The following SLC35F4 variants were observed in gnomAD, a reference collection of about 807,000 sequenced individuals.
SLC35F4 encodes solute carrier family 35 member F4, also known as chromosome 14 open reading frame 36.
SLC35F4 carries 24 observed loss-of-function variants against 44.2 expected under a neutral mutation model. The ratio of observed to expected loss-of-function variants is 0.54; its 90% confidence interval spans 0.39 to 0.76. SLC35F4 has a LOEUF of 0.76. SLC35F4 is among the 30% of genes least tolerant of loss of function. SLC35F4 has a pLI of 0.00. For missense variants in SLC35F4, 562 were observed against 586.1 expected (o/e 0.96, Z 0.42); for synonymous variants, 238 against 223.6 (o/e 1.06, Z -0.57).
At chr14:57,958,143 T>C (rs967878205) in intron 1 of SLC35F4, among the ~76,000 whole-genome samples, 14 of 152,178 alleles carry the variant, frequency 9.2e-5, no homozygotes, top group South Asian at 6.2e-4. Context: ...CCGCAAGCTC[T>C]GCCTCCCAGG....
Position 57,933,039 on chromosome 14 carries a change from CTTT to C in SLC35F4, n.282+48871_282+48873del, listed in dbSNP as rs565156783. Among the ~76,000 whole-genome samples the C allele has an allele frequency of 9.4e-4, 129 of 137,482 alleles. 1 individual carries two copies. The highest frequency in any genetic ancestry group is 3.7e-3 in the Admixed American group (50 of 13,578). The allele number at this position is 137,482 out of a possible 152,430, so 90.2% of individuals were successfully genotyped here. On this transcript the variant is annotated intron_variant and non_coding_transcript_variant, in intron 1 of 1. Transcript: ENST00000556568. ...ATAAGGGAAAGTTCTCTCCTATTTA[CTTT>C]TTTTTTTTTTTTTTTAAGAGTCTTG...
chr14:57,866,252 G>A (rs1888151478), upstream of SLC35F4, among the ~76,000 whole-genome samples: 1 of 152,306 alleles, frequency 6.6e-6, no homozygotes, highest in East Asian at 1.9e-4. Context: ...GGGCGCGAGA[G>A]GAGAAGGCGA....
chr14:57,945,862 C>A (rs1890016733), intron 1 of SLC35F4, among the ~76,000 whole-genome samples: 1 of 152,014 alleles, frequency 6.6e-6, no homozygotes, highest in South Asian at 2.1e-4. Flanking sequence ...TTTGCATTTA[C>A]CTGATGATTA....
At chr14:57,929,526 G>T (rs1482603626) in intron 1 of SLC35F4, among the ~76,000 whole-genome samples, 1 of 152,018 alleles carries the variant, frequency 6.6e-6, no homozygotes, top group African/African-American at 2.4e-5. Context: ...ACCTGTAGCT[G>T]TTGAGTAGTG....
intron 1 of SLC35F4, among the ~76,000 whole-genome samples, chr14:57,906,190 C>A (rs1889100862): frequency 6.6e-6 from 1 of 152,148 alleles, no homozygotes; most frequent in Admixed American, 6.5e-5. Context: ...TCAGAGAGTG[C>A]AGAAATAATA....
intron 1 of SLC35F4, among the ~76,000 whole-genome samples, chr14:57,647,545 T>A (rs2073589968): frequency 6.6e-6 from 1 of 152,092 alleles, no homozygotes; most frequent in Non-Finnish European, 1.5e-5. Flanking sequence ...CTGGACAACT[T>A]CAACCCCTTA....
At chr14:57,835,153 A>G (rs1040330945) in intron 1 of SLC35F4, among the ~76,000 whole-genome samples, 1 of 152,230 alleles carries the variant, frequency 6.6e-6, no homozygotes, top group Non-Finnish European at 1.5e-5. Flanking sequence ...CACTGTGCCC[A>G]TGGGGCAACC....
At chr14:57,873,339 A>T (rs1374493327) in intron 1 of SLC35F4, among the ~76,000 whole-genome samples, 1 of 152,208 alleles carries the variant, frequency 6.6e-6, no homozygotes, top group Non-Finnish European at 1.5e-5. Flanking sequence ...AGTCTCTACT[A>T]GTTCCATATT....
intron 1 of SLC35F4, among the ~76,000 whole-genome samples, chr14:57,815,221 A>G (rs1033571666): frequency 6.6e-6 from 1 of 152,186 alleles, no homozygotes; most frequent in African/African-American, 2.4e-5. Flanking sequence ...ATTTAAACCA[A>G]TATCAAAATT....
chr14:57,702,630 A>G (rs950274242), intron 1 of SLC35F4, among the ~76,000 whole-genome samples: 1 of 152,058 alleles, frequency 6.6e-6, no homozygotes, highest in African/African-American at 2.4e-5. Flanking sequence ...AAATATGTCA[A>G]CTCCACCTCT....
At chr14:57,770,528 C>T (rs2077338029) in intron 1 of SLC35F4, among the ~76,000 whole-genome samples, 1 of 152,116 alleles carries the variant, frequency 6.6e-6, no homozygotes, top group African/African-American at 2.4e-5. Context: ...TAAAATCAAG[C>T]ATTGTGAGGA....
chr14:57,867,000 A>AATAATAATAATT (rs1491561956), upstream of SLC35F4, among the ~76,000 whole-genome samples: 14 of 143,170 alleles, frequency 9.8e-5, no homozygotes, highest in South Asian at 1.3e-3. Flanking sequence ...TAATAATAAT[A>AATAATAATAATT]ATTTTCAAAG....
At chr14:57,707,483 C>T (rs1352732134) in intron 1 of SLC35F4, among the ~76,000 whole-genome samples, 1 of 152,152 alleles carries the variant, frequency 6.6e-6, no homozygotes, top group East Asian at 1.9e-4. Flanking sequence ...ACCTTACTTC[C>T]CCTTCACGTT....
At chr14:57,709,630 C>T (rs1442012262) in intron 1 of SLC35F4, among the ~76,000 whole-genome samples, 1 of 152,120 alleles carries the variant, frequency 6.6e-6, no homozygotes, top group Non-Finnish European at 1.5e-5. Flanking sequence ...AATAAAGGTG[C>T]TCTTGCTATG....
At chr14:57,678,411 A>C (rs2074772669) in intron 1 of SLC35F4, among the ~76,000 whole-genome samples, 1 of 152,146 alleles carries the variant, frequency 6.6e-6, no homozygotes, top group Non-Finnish European at 1.5e-5. Flanking sequence ...AGCCACTGCA[A>C]AAACATGCCA....
intron 1 of SLC35F4, among the ~76,000 whole-genome samples, chr14:57,665,003 G>A (rs2074259874): frequency 6.6e-6 from 1 of 152,126 alleles, no homozygotes; most frequent in South Asian, 2.1e-4. Flanking sequence ...ATTTCTGGGT[G>A]GGCTGTTTTA....
At chr14:57,717,283 T>G (rs1449591274) in intron 1 of SLC35F4, among the ~76,000 whole-genome samples, 1 of 152,140 alleles carries the variant, frequency 6.6e-6, no homozygotes, top group African/African-American at 2.4e-5. Flanking sequence ...TTTTTGAGGA[T>G]CCTCATACTG....
intron 1 of SLC35F4, among the ~76,000 whole-genome samples, chr14:57,754,527 G>T (rs996535986): frequency 7.2e-5 from 11 of 152,190 alleles, no homozygotes; most frequent in African/African-American, 2.2e-4. Flanking sequence ...AAGACCACAG[G>T]TTTCACTCAG....
At chr14:57,610,019 CCCA>C (rs1254912903) in intron 1 of SLC35F4, among the ~76,000 whole-genome samples, 1 of 152,168 alleles carries the variant, frequency 6.6e-6, no homozygotes, top group Non-Finnish European at 1.5e-5. Flanking sequence ...GAAACTTTGA[CCCA>C]CACATCTATA....
Sources: allele counts gnomAD v4.1 joint callset (sites outside exome capture counted in the v4.1 genomes callset), GRCh38; gene constraint gnomAD v4.1.1; transcripts MANE v1.5; gene names NCBI Gene and HGNC (gene_info 2026-07-23, HGNC 2026-07-21).